GRAMD1B: variants seen among roughly 807,000 people sequenced by gnomAD.
GRAMD1B encodes the protein GRAM domain containing 1B, also known as protein Aster-B.
Under a neutral mutation model 99.7 loss-of-function variants are expected in GRAMD1B, and 37 were observed. The ratio of observed to expected loss-of-function variants is 0.37; its 90% CI spans 0.29 to 0.49. GRAMD1B has a LOEUF of 0.49. GRAMD1B is among the 20% of genes least tolerant of loss of function. The pLI is 0.98. For missense variants in GRAMD1B, 888 were observed against 1,009.2 expected, an observed-to-expected ratio of 0.88 and a Z score of 1.63; for synonymous variants, 427 against 387.6, an observed-to-expected ratio of 1.10 and a Z score of -1.19.
intron 1 of GRAMD1B, among the ~76,000 whole-genome samples, chr11:123,368,679 C>CAAAAAAAAAAAAAAAAAAAAAAAA (rs58877377): frequency 1.3e-5 from 1 of 78,060 alleles, no homozygotes; most frequent in African/African-American, 5.4e-5. Context: ...GACTCTGTCT[C>CAAAAAAAAAAAAAAAAAAAAAAAA]AAAAAAAAAA....
At chr11:123,404,389 T>C (rs147891720) in intron 1 of GRAMD1B, among the ~76,000 whole-genome samples, 103 of 152,372 alleles carry the variant, frequency 6.8e-4, no homozygotes, top group African/African-American at 2.4e-3. Flanking sequence ...GTGGTCGATA[T>C]GGGAAAGCAA....
chr11:123,509,953 A>T (rs1294242524), intron 2 of GRAMD1B: 1 of 152,158 alleles, frequency 6.6e-6, no homozygotes, highest in African/African-American at 2.4e-5. Context: ...AGAGGCTGTG[A>T]GTCTCTGGGA....
intron 1 of GRAMD1B, among the ~76,000 whole-genome samples, chr11:123,362,362 G>C (rs1352091081): frequency 6.6e-6 from 1 of 152,168 alleles, no homozygotes. Context: ...AAAACAGGAA[G>C]TATCTTTCTC....
chr11:123,610,049 C>A lies in GRAMD1B; in HGVS notation c.1776+136C>A. ...GCCCCAAAGCGGTGGTGGCGTCTTG[C>A]TTGTTTAGTTGCTGCTGATTCCAGT... On this transcript the variant is annotated intron_variant, in intron 13 of 19. Coordinates refer to ENST00000635736, the MANE Select transcript of GRAMD1B (RefSeq NM_001387025.1). This position sits in a 1 kb window ranked among gnomAD's most constrained non-coding sequence, Gnocchi z 4.1. The A allele has an allele frequency of 2.4e-6, 2 of 836,968 alleles. No individual in the cohort carries two copies. The highest frequency in any genetic ancestry group is 1.9e-6 in the Non-Finnish European group (1 of 521,520). The allele number at this position is 836,968 out of a possible 1,614,324, so 51.8% of individuals were successfully genotyped here. A position where few individuals can be genotyped will look rare whatever the true frequency, so the allele number is the denominator to read the frequency against.
intron 11 of GRAMD1B, chr11:123,608,159 A>G (rs1164140580): frequency 4.0e-6 from 1 of 247,866 alleles, no homozygotes; most frequent in Non-Finnish European, 7.7e-6. Context: ...ATCACAGCCT[A>G]TTGGACCAGC....
chr11:123,429,009 T>C (rs770146253), upstream of GRAMD1B, among the ~76,000 whole-genome samples: 7 of 152,054 alleles, frequency 4.6e-5, no homozygotes, highest in African/African-American at 7.2e-5. This position sits in a 1 kb window ranked among gnomAD's most constrained non-coding sequence, Gnocchi z 4.0. Flanking sequence ...CTGGGCAATA[T>C]AGCAAGACCT....
intron 2 of GRAMD1B, among the ~76,000 whole-genome samples, chr11:123,524,299 G>T (rs184046535): frequency 3.8e-5 from 4 of 105,758 alleles, no homozygotes; most frequent in Admixed American, 9.5e-5. Context: ...ACCAACGAGG[G>T]TCTGCACTCC....
At chr11:123,621,208 T>C (rs1301645787) in intron 19 of GRAMD1B, among the ~76,000 whole-genome samples, 1 of 152,210 alleles carries the variant, frequency 6.6e-6, no homozygotes, top group Non-Finnish European at 1.5e-5. Flanking sequence ...AGACTTTCCC[T>C]AAATCCGTAA....
rs370798353 is a variant in GRAMD1B at position 123,569,845 on chromosome 11, A to G, written c.453-7522A>G. Among the ~76,000 whole-genome samples the G allele has an allele frequency of 7.0e-4, 107 of 152,340 alleles. No individual in the cohort carries two copies. In the South Asian group the frequency reaches 0.013, roughly 19 times the overall value. On this transcript the variant is annotated intron_variant, in intron 2 of 19. Transcript: ENST00000635736. ...GCGTTTACCCCATGCTACAAATGGC[A>G]AGGACAGAGGAGGTGCTTGTGATAT...
chr11:123,606,323 G>A (rs1339385710), intron 10 of GRAMD1B, among the ~76,000 whole-genome samples: 2 of 152,240 alleles, frequency 1.3e-5, no homozygotes, highest in Non-Finnish European at 2.9e-5. Context: ...TGGTGCAGGT[G>A]CGGCTCCAGG....
At chr11:123,622,028 TCTC>T (rs1424042602) in intron 19 of GRAMD1B, among the ~76,000 whole-genome samples, 4 of 151,516 alleles carry the variant, frequency 2.6e-5, no homozygotes, top group African/African-American at 9.7e-5. Context: ...TCTGTCTCTC[TCTC>T]TTTTTAAAAG....
chr11:123,466,715 C>T (rs961873114), intron 1 of GRAMD1B, among the ~76,000 whole-genome samples: 6 of 152,108 alleles, frequency 3.9e-5, no homozygotes, highest in African/African-American at 1.2e-4. Context: ...GGGAGGCTGG[C>T]CTTGAGGCTG....
At chr11:123,622,030 TC>T (rs1955202824) in intron 19 of GRAMD1B, among the ~76,000 whole-genome samples, 1 of 124,716 alleles carries the variant, frequency 8.0e-6, no homozygotes, top group Non-Finnish European at 1.7e-5. Context: ...TGTCTCTCTC[TC>T]TTTTTAAAAG....
chr11:123,434,298 G>C (rs189868550), intron 1 of GRAMD1B, among the ~76,000 whole-genome samples: 17 of 148,914 alleles, frequency 1.1e-4, no homozygotes, highest in Admixed American at 1.1e-3. Flanking sequence ...TGAAAAGGCA[G>C]ACTCTGGATT....
chr11:123,422,933 C>T (rs892631790), intron 1 of GRAMD1B, among the ~76,000 whole-genome samples: 9 of 98,720 alleles, frequency 9.1e-5, no homozygotes, highest in Admixed American at 3.6e-4. Context: ...GACTGGTTTT[C>T]TGCTCCTTCC....
intron 1 of GRAMD1B, among the ~76,000 whole-genome samples, chr11:123,439,313 T>A (rs927855069): frequency 6.6e-6 from 1 of 152,184 alleles, no homozygotes; most frequent in African/African-American, 2.4e-5. Flanking sequence ...ATGCCTCAGC[T>A]GGTGAGGAGA....
At chr11:123,461,288 C>T (rs1430624992) in intron 1 of GRAMD1B, among the ~76,000 whole-genome samples, 3 of 152,318 alleles carry the variant, frequency 2.0e-5, no homozygotes, top group African/African-American at 7.2e-5. Flanking sequence ...CTTCAGCTGG[C>T]AGAAAAGCCA....
rs1951574209 is a variant in GRAMD1B at position 123,598,592 on chromosome 11, G to GC, written c.970-1875dup. On this transcript the variant is annotated intron_variant, in intron 7 of 19. Coordinates refer to ENST00000635736, the MANE Select transcript of GRAMD1B (RefSeq NM_001387025.1). ...GTGACTCTAGGGACTTTCCTTTGGT[G>GC]CTGAATAGTCTCTGGGCTCGCTCTT... is the stretch of plus-strand genomic sequence containing the variant. 4 of 1,537,244 alleles carry GC rather than the reference G, an allele frequency of 2.6e-6. No homozygotes were observed. The East Asian group carries it at 9.0e-5, about 35-fold the overall frequency.
chr11:123,569,811 T>A (rs1394757503), intron 2 of GRAMD1B, among the ~76,000 whole-genome samples: 1 of 152,210 alleles, frequency 6.6e-6, no homozygotes, highest in East Asian at 1.9e-4. Context: ...AATTAGGGAC[T>A]AGTCATCAGC....
Sources: gnomAD v4.1 joint callset for allele counts (sites outside exome capture counted in the v4.1 genomes callset) on GRCh38, gnomAD v4.1.1 for gene constraint, Gnocchi (gnomAD v3.1) non-coding constraint, MANE v1.5 for transcripts, NCBI Gene and HGNC (gene_info 2026-07-23, HGNC 2026-07-21) for gene names.